BTD: variants seen among roughly 807,000 people sequenced by gnomAD.
BTD encodes biotinidase, also known as biocytinase.
BTD carries 13 observed loss-of-function variants against 17.7 expected under a neutral mutation model. That is an observed-to-expected ratio of 0.74 (90% CI 0.48 to 1.17). BTD has a LOEUF of 1.17. Ranked by LOEUF, BTD falls within the 50% of genes most tolerant of loss-of-function variation. The probability of loss-of-function intolerance (pLI) is 0.00; values close to 1 mark genes in which losing one functional copy is unlikely to be tolerated. For synonymous variants in BTD, 240 were observed against 245.2 expected (o/e 0.98, Z 0.20); for missense variants, 674 against 650.4 (o/e 1.04, Z -0.39).
intron 3 of BTD, chr3:15,667,744 A>G (rs532478030): frequency 6.6e-6 from 1 of 152,360 alleles, no homozygotes; most frequent in African/African-American, 2.4e-5. Context: ...TACAAAAGTA[A>G]TGAAATAGTT....
chr3:15,622,876 C>G (rs190619446), intron 1 of BTD, among the ~76,000 whole-genome samples: 3 of 152,306 alleles, frequency 2.0e-5, no homozygotes, highest in African/African-American at 7.2e-5. Flanking sequence ...TTCTTGCTTT[C>G]TCTTAATGAC....
At chr3:15,602,040 C>T (rs910676921) in intron 1 of BTD, 146 bp downstream of exon 1, 16 of 1,482,430 alleles carry the variant, frequency 1.1e-5, no homozygotes, top group Middle Eastern at 5.0e-4. Context: ...TTTGCTGGGG[C>T]TGTTTGTGCG....
At chr3:15,614,598 CT>C (rs869155456) in intron 1 of BTD, among the ~76,000 whole-genome samples, 1,873 of 125,128 alleles carry the variant, frequency 0.015, 9 homozygotes, top group African/African-American at 0.021. Flanking sequence ...ATATCTTTTT[CT>C]TTTTTTTTTT....
intron 1 of BTD, among the ~76,000 whole-genome samples, chr3:15,607,071 G>C (rs2064480084): frequency 6.6e-6 from 1 of 150,956 alleles, no homozygotes; most frequent in Non-Finnish European, 1.5e-5. Flanking sequence ...GGATACCCCT[G>C]ACAGGATTCC....
At chr3:15,616,292 T>C (rs2064788659) in intron 1 of BTD, among the ~76,000 whole-genome samples, 1 of 152,214 alleles carries the variant, frequency 6.6e-6, no homozygotes, top group Non-Finnish European at 1.5e-5. Flanking sequence ...CCTGTTGCTC[T>C]ATATTCTCAA....
chr3:15,617,330 A>G (rs1401077201), intron 1 of BTD, among the ~76,000 whole-genome samples: 3 of 152,192 alleles, frequency 2.0e-5, no homozygotes, highest in East Asian at 3.8e-4. Flanking sequence ...CAGTGTATCA[A>G]TTCTTTCTTT....
At chr3:15,681,717 C>A (rs1279094004) in intron 3 of BTD, among the ~76,000 whole-genome samples, 1 of 152,044 alleles carries the variant, frequency 6.6e-6, no homozygotes. Flanking sequence ...TTTGTCAGTT[C>A]TTTTCTCTAA....
Position 15,647,567 on chromosome 3 carries a change from A to G in BTD, c.*2079A>G, listed in dbSNP as rs1333090712. 2.0e-5 allele frequency: 3 copies of G among 152,250 alleles called. No homozygotes were observed. Among genetic ancestry groups the G allele is most frequent in the Non-Finnish European group, 4.4e-5 (3 of 68,046 alleles). 9.4% of individuals were successfully genotyped at this position (152,250 alleles called of 1,614,324 possible). On this transcript the variant is annotated 3_prime_UTR_variant, in exon 4 of 4. Coordinates refer to ENST00000643237, the MANE Select transcript of BTD (RefSeq NM_001370658.1). Reference sequence around the variant, plus strand: ...GTGGTAGAACAAAGTAATTTTTACAATTAAAAGAAGTAGCTGCCAGATGAC... The same window carrying G: ...GTGGTAGAACAAAGTAATTTTTACAGTTAAAAGAAGTAGCTGCCAGATGAC...
At chr3:15,618,277 T>C (rs2064847956) in intron 1 of BTD, among the ~76,000 whole-genome samples, 2 of 152,218 alleles carry the variant, frequency 1.3e-5, no homozygotes, top group Admixed American at 1.3e-4. Context: ...CAGTTTAGAA[T>C]CAGTTTGTTG....
At position 15,625,304 on chromosome 3, in the gene BTD, C is replaced by T. The variant is rs190180869; in HGVS notation, c.-16-10120C>T. The stretch of plus-strand genomic sequence containing the variant: ...CTAGAGTTGGGTATTTCCCTTCCCC[C>T]AGGTCAGTTAAGCTTTGATAAAACC... On this transcript the variant is annotated intron_variant, in intron 1 of 3. Coordinates refer to ENST00000643237, the MANE Select transcript of BTD (RefSeq NM_001370658.1). Among the ~76,000 whole-genome samples the T allele has an allele frequency of 2.0e-5, 3 of 152,260 alleles. No individual in the cohort carries two copies. The East Asian group carries it at 5.8e-4, about 29-fold the overall frequency.
At chr3:15,680,704 T>A (rs542175639) in intron 3 of BTD, among the ~76,000 whole-genome samples, 1 of 152,306 alleles carries the variant, frequency 6.6e-6, no homozygotes, top group East Asian at 1.9e-4. Flanking sequence ...CTTGCTCTGT[T>A]GCCCAAGTTG....
downstream of BTD, chr3:15,713,777 C>T: frequency 2.0e-6 from 1 of 488,696 alleles, no homozygotes; most frequent in Non-Finnish European, 3.6e-6. Context: ...TCATTCATAG[C>T]TCATTTATTG....
intron 3 of BTD, among the ~76,000 whole-genome samples, chr3:15,643,002 G>C (rs1194166850): frequency 6.9e-6 from 1 of 144,396 alleles, no homozygotes; most frequent in Non-Finnish European, 1.5e-5. Flanking sequence ...ATTCCAGCCT[G>C]GACAACAGGA....
rs1184260938 is a variant in BTD at position 15,646,136 on chromosome 3, AG to A, written c.*650del. ...TTTTCTGTCAGTAAATGGAATGTGT[AG>A]GCAGGACCTGGAATAACTGGAGAGA... On this transcript the variant is annotated 3_prime_UTR_variant, in exon 4 of 4. Coordinates refer to ENST00000643237, the MANE Select transcript of BTD (RefSeq NM_001370658.1). 1.3e-5 allele frequency: 2 copies of A among 151,926 alleles called. No individual in the cohort carries two copies. Among genetic ancestry groups the A allele is most frequent in the Non-Finnish European group, 2.9e-5 (2 of 68,016 alleles). 9.4% of individuals were successfully genotyped at this position (151,926 alleles called of 1,614,324 possible).
At chr3:15,719,227 T>C (rs2124872142) in intron 4 of BTD, among the ~76,000 whole-genome samples, 1 of 152,352 alleles carries the variant, frequency 6.6e-6, no homozygotes, top group East Asian at 1.9e-4. Flanking sequence ...GATGGATTTG[T>C]TGCTGTTACA....
At chr3:15,696,124 G>T in intron 3 of BTD, 1 of 1,535,650 alleles carries the variant, frequency 6.5e-7, no homozygotes. Flanking sequence ...CAAGAATTCA[G>T]GAATCTTACC....
chr3:15,658,919 T>C (rs1342140579), intron 3 of BTD, among the ~76,000 whole-genome samples: 1 of 152,118 alleles, frequency 6.6e-6, no homozygotes, highest in Non-Finnish European at 1.5e-5. Context: ...CCAAAAATCA[T>C]ACAGGTTGTC....
rs79836994 is a variant in BTD at position 15,641,373 on chromosome 3, G to A, written c.250-535G>A. 4.4e-3 allele frequency among the ~76,000 whole-genome samples: 671 copies of A among 152,324 alleles called. 7 individuals are homozygous for A. Among genetic ancestry groups the A allele is most frequent in the East Asian group, 0.02 (105 of 5,186 alleles). The stretch of plus-strand genomic sequence containing the variant: ...CCCGGGGGACCTTTAAACAAACACT[G>A]TTGCCACTATCCCACCCACAGTCAA... On this transcript the variant is annotated intron_variant, in intron 2 of 3. Transcript: ENST00000643237.
At chr3:15,668,836 G>C (rs1033629023) in intron 3 of BTD, 1 of 152,536 alleles carries the variant, frequency 6.6e-6, no homozygotes, top group Non-Finnish European at 1.5e-5. Flanking sequence ...AAAGTTTCCA[G>C]TTTCACAATA....
Sources: allele counts gnomAD v4.1 joint callset (sites outside exome capture counted in the v4.1 genomes callset), GRCh38; gene constraint gnomAD v4.1.1; transcripts MANE v1.5; gene names NCBI Gene and HGNC (gene_info 2026-07-23, HGNC 2026-07-21).